ZNF385D: variants seen among roughly 807,000 people sequenced by gnomAD.
The protein encoded by ZNF385D is zinc finger protein 659.
A neutral mutation model predicts 35.8 loss-of-function variants in ZNF385D; 15 were observed. The observed-to-expected ratio is 0.42, with a 90% confidence interval of 0.28 to 0.64. The LOEUF is 0.64. ZNF385D is among the 30% of genes least tolerant of loss of function. The pLI is 0.23. For synonymous variants in ZNF385D, 212 were observed against 186.8 expected (o/e 1.13, Z -1.10); for missense variants, 474 against 494.6 (o/e 0.96, Z 0.39).
At chr3:21,860,760 G>C (rs1697004920) in intron 3 of ZNF385D, among the ~76,000 whole-genome samples, 1 of 152,120 alleles carries the variant, frequency 6.6e-6, no homozygotes, top group African/African-American at 2.4e-5. Flanking sequence ...GCAGTTTCAT[G>C]GCAAAGGCTT....
chr3:22,074,449 T>C (rs1331676476), intron 3 of ZNF385D, among the ~76,000 whole-genome samples: 2 of 151,958 alleles, frequency 1.3e-5, no homozygotes, highest in Non-Finnish European at 2.9e-5. Flanking sequence ...TGCCTAATAC[T>C]AGAAAATTAC....
intron 3 of ZNF385D, among the ~76,000 whole-genome samples, chr3:21,985,165 T>C (rs1694734431): frequency 2.1e-5 from 2 of 93,558 alleles, no homozygotes; most frequent in Non-Finnish European, 4.4e-5. Context: ...TATTTCCTTC[T>C]CCTGCCTGAT....
chr3:22,320,829 G>T (rs1254758184), intron 2 of ZNF385D, among the ~76,000 whole-genome samples: 1 of 151,448 alleles, frequency 6.6e-6, no homozygotes, highest in Non-Finnish European at 1.5e-5. Context: ...GATTTTATAA[G>T]TGTTCAACAT....
At chr3:22,293,007 C>T (rs1356494968) in intron 2 of ZNF385D, among the ~76,000 whole-genome samples, 1 of 152,046 alleles carries the variant, frequency 6.6e-6, no homozygotes, top group African/African-American at 2.4e-5. Flanking sequence ...TTATTATCTC[C>T]ATTGATTTCA....
chr3:21,836,698 A>C (rs1695350583), intron 3 of ZNF385D, among the ~76,000 whole-genome samples: 1 of 152,142 alleles, frequency 6.6e-6, no homozygotes, highest in South Asian at 2.1e-4. Flanking sequence ...ATAAAACTTT[A>C]CTTATAGACA....
At chr3:21,622,627 C>G (rs532281344) in intron 2 of ZNF385D, among the ~76,000 whole-genome samples, 17 of 152,190 alleles carry the variant, frequency 1.1e-4, no homozygotes, top group African/African-American at 3.9e-4. Flanking sequence ...AGAAAGTGTT[C>G]ATACATGTCA....
intron 3 of ZNF385D, among the ~76,000 whole-genome samples, chr3:22,112,081 G>A (rs1345504002): frequency 1.3e-5 from 2 of 152,126 alleles, no homozygotes; most frequent in East Asian, 3.9e-4. Flanking sequence ...CACTGATAAA[G>A]AGCAGTCAAG....
intron 3 of ZNF385D, among the ~76,000 whole-genome samples, chr3:22,102,805 G>A (rs911718497): frequency 1.3e-5 from 2 of 151,254 alleles, no homozygotes; most frequent in Non-Finnish European, 2.9e-5. Flanking sequence ...AAACTTCTCT[G>A]ATCACTGCGA....
intron 1 of ZNF385D, among the ~76,000 whole-genome samples, chr3:21,732,030 G>GTTTTTTTTTTTTTTTTTT (rs1214143626): frequency 2.7e-5 from 1 of 37,370 alleles, no homozygotes; most frequent in South Asian, 8.2e-4. Flanking sequence ...TTTTTTCGGG[G>GTTTTTTTTTTTTTTTTTT]TTTTTTTTTT....
intron 3 of ZNF385D, among the ~76,000 whole-genome samples, chr3:21,825,083 A>G (rs1694512424): frequency 6.6e-6 from 1 of 152,238 alleles, no homozygotes; most frequent in Non-Finnish European, 1.5e-5. Context: ...TATCAGTACC[A>G]TATAAGTCAC....
chr3:21,698,883 A>C (rs2067567200), intron 1 of ZNF385D, among the ~76,000 whole-genome samples: 1 of 152,160 alleles, frequency 6.6e-6, no homozygotes, highest in Non-Finnish European at 1.5e-5. Flanking sequence ...ATGCTTTTAC[A>C]CTGTCGGTGG....
intron 3 of ZNF385D, among the ~76,000 whole-genome samples, chr3:21,910,559 A>T (rs1369483691): frequency 6.6e-6 from 1 of 151,956 alleles, no homozygotes; most frequent in Admixed American, 6.6e-5. Flanking sequence ...TGCTCTAATG[A>T]GCCAAAAGCC....
At chr3:21,617,610 A>T (rs1352419291) in intron 2 of ZNF385D, among the ~76,000 whole-genome samples, 1 of 152,224 alleles carries the variant, frequency 6.6e-6, no homozygotes, top group African/African-American at 2.4e-5. Flanking sequence ...GAAGTTAAGT[A>T]TCTTGCCCAA....
intron 3 of ZNF385D, among the ~76,000 whole-genome samples, chr3:22,145,310 A>T (rs1028556464): frequency 4.6e-5 from 7 of 152,224 alleles, no homozygotes; most frequent in African/African-American, 1.7e-4. Flanking sequence ...ACAATTTGTG[A>T]ATCTGATGTT....
intron 2 of ZNF385D, among the ~76,000 whole-genome samples, chr3:22,203,851 C>A (rs1244919268): frequency 6.6e-6 from 1 of 152,110 alleles, no homozygotes; most frequent in East Asian, 1.9e-4. Context: ...TTCTGAGATT[C>A]CAACTTCAAA....
chr3:22,029,786 C>T (rs180763024), intron 3 of ZNF385D, among the ~76,000 whole-genome samples: 208 of 151,770 alleles, frequency 1.4e-3, no homozygotes, highest in African/African-American at 4.4e-3. Flanking sequence ...TTATGTTAGG[C>T]GTAATTATGA....
chr3:21,816,862 G>C (rs1041739857), intron 3 of ZNF385D, among the ~76,000 whole-genome samples: 1 of 152,142 alleles, frequency 6.6e-6, no homozygotes, highest in Non-Finnish European at 1.5e-5. Flanking sequence ...GCAAAAAAGA[G>C]CCTCCATTGC....
At chr3:22,208,240 T>C (rs1697285120) in intron 2 of ZNF385D, among the ~76,000 whole-genome samples, 1 of 151,888 alleles carries the variant, frequency 6.6e-6, no homozygotes, top group Admixed American at 6.6e-5. Flanking sequence ...ATATACACAA[T>C]GGAGAGCTAT....
rs17009963 is a variant in ZNF385D, at chr3:21,888,732, C to G, written c.326-223704G>C. 9.9e-3 allele frequency among the ~76,000 whole-genome samples: 1,505 copies of G among 152,116 alleles called. 80 individuals carry two copies. Among genetic ancestry groups the G allele is most frequent in the Admixed American group, 0.088 (1,345 of 15,284 alleles). ...GAGTAACAGGATGTTAAAACTGGAC[C>G]CATTTTTCTCATTTATCCAAAATCT... On this transcript the variant is annotated intron_variant, in intron 3 of 5. Transcript: ENST00000494108.
Sources: gnomAD v4.1 joint callset for allele counts (sites outside exome capture counted in the v4.1 genomes callset) on GRCh38, gnomAD v4.1.1 for gene constraint, MANE v1.5 for transcripts, NCBI Gene and HGNC (gene_info 2026-07-23, HGNC 2026-07-21) for gene names.